The following NTM variants were observed in gnomAD, a reference collection of about 807,000 sequenced individuals.
The protein encoded by NTM is neurotrimin.
In NTM, 13 loss-of-function variants were observed where a neutral mutation model predicts 42.1. The ratio of observed to expected loss-of-function variants is 0.31; its 90% CI spans 0.20 to 0.49. The LOEUF is 0.49. NTM is among the 20% of genes least tolerant of loss of function. The probability of loss-of-function intolerance (pLI) is 0.99; values close to 1 mark genes in which losing one functional copy is unlikely to be tolerated. For synonymous variants in NTM, 187 were observed against 179.2 expected (o/e 1.04, Z -0.35); for missense variants, 373 against 452.8 (o/e 0.82, Z 1.60).
chr11:131,789,529 AG>A (rs1320030442), intron 1 of NTM, among the ~76,000 whole-genome samples: 1 of 27,954 alleles, frequency 3.6e-5, no homozygotes, highest in South Asian at 9.9e-4. Context: ...AAGAAGAAGA[AG>A]AAGAAGAAGA....
intron 1 of NTM, among the ~76,000 whole-genome samples, chr11:131,871,774 T>C (rs1220264723): frequency 6.6e-6 from 1 of 152,132 alleles, no homozygotes; most frequent in Non-Finnish European, 1.5e-5. Context: ...CTGGGCTCCC[T>C]GGGGAAGTCT....
chr11:132,265,991 C>A lies in NTM; in HGVS notation c.527-41698C>A, dbSNP rs144488478. On this transcript the variant is annotated intron_variant, in intron 4 of 8. Coordinates refer to ENST00000683400, the MANE Select transcript of NTM (RefSeq NM_001352005.2). ...AAGCCAAAATCATGTCTGCTACTTCCTTAACACAGGGTGCTGTTCTAGGAG... is the reference window on the plus strand; with the variant it reads ...AAGCCAAAATCATGTCTGCTACTTCATTAACACAGGGTGCTGTTCTAGGAG... 1.2e-4 allele frequency among the ~76,000 whole-genome samples: 19 copies of A among 152,226 alleles called. No individual in the cohort carries two copies. In the South Asian group the frequency reaches 1.7e-3, roughly 13 times the overall value.
At chr11:132,029,934 A>T (rs1260021748) in intron 2 of NTM, among the ~76,000 whole-genome samples, 2 of 152,224 alleles carry the variant, frequency 1.3e-5, no homozygotes, top group Non-Finnish European at 2.9e-5. Context: ...GTTCCACATG[A>T]ATGAATTTGT....
chr11:131,947,223 A>G (rs190095667), intron 2 of NTM, among the ~76,000 whole-genome samples: 3 of 152,300 alleles, frequency 2.0e-5, no homozygotes, highest in African/African-American at 7.2e-5. Context: ...CTTCCTTTGC[A>G]TGATGGTGGT....
chr11:131,502,133 C>T (rs2046910676), intron 1 of NTM, among the ~76,000 whole-genome samples: 1 of 152,042 alleles, frequency 6.6e-6, no homozygotes, highest in Non-Finnish European at 1.5e-5. Context: ...GTCCCAATGT[C>T]TGTGTCCCCT....
At chr11:131,585,234 CCCCTTCCTTT>C (rs2058749011) in intron 1 of NTM, among the ~76,000 whole-genome samples, 1 of 152,118 alleles carries the variant, frequency 6.6e-6, no homozygotes, top group South Asian at 2.1e-4. Context: ...GGGTTTTTCC[CCCCTTCCTTT>C]CCCTTTTTGC....
intron 1 of NTM, chr11:131,773,875 G>A (rs1468176999): frequency 6.5e-6 from 2 of 309,752 alleles, no homozygotes; most frequent in Non-Finnish European, 9.4e-6. Flanking sequence ...TCGTTTTATT[G>A]CATGGTCTGG....
chr11:131,873,860 A>T (rs1357483337), intron 1 of NTM, among the ~76,000 whole-genome samples: 1 of 141,252 alleles, frequency 7.1e-6, no homozygotes, highest in Non-Finnish European at 1.5e-5. Context: ...CCCTGTGTCC[A>T]TGTGTTCTCA....
At chr11:132,134,745 A>ATATC (rs2067510361) in intron 2 of NTM, among the ~76,000 whole-genome samples, 1 of 114,108 alleles carries the variant, frequency 8.8e-6, no homozygotes, top group African/African-American at 3.4e-5. Context: ...ATATATATAT[A>ATATC]TATATATATA....
chr11:132,318,322 G>C (rs1401155143), intron 7 of NTM, among the ~76,000 whole-genome samples: 1 of 152,118 alleles, frequency 6.6e-6, no homozygotes, highest in Admixed American at 6.5e-5. Context: ...CCACCGTACA[G>C]AGTTGTTCCA....
Position 131,911,217 on chromosome 11 carries a change from G to A in NTM, c.83-347G>A, listed in dbSNP as rs2054877399. On this transcript the variant is annotated intron_variant, in intron 1 of 8. Transcript: ENST00000683400. ...CTTCCCCCTCCTCGGCCACCTTCCC[G>A]GCGGAAGCAGCGAGGAGGGAGCCCC... 5.8e-6 allele frequency: 8 copies of A among 1,379,142 alleles called. No individual in the cohort carries two copies. In the South Asian group the frequency reaches 6.6e-5, roughly 11 times the overall value. The allele number at this position is 1,379,142 out of a possible 1,614,324, so 85.4% of individuals were successfully genotyped here. A position where few individuals can be genotyped will look rare whatever the true frequency, so the allele number is the denominator to read the frequency against.
chr11:131,742,225 G>A (rs1244132570), intron 1 of NTM, among the ~76,000 whole-genome samples: 1 of 152,138 alleles, frequency 6.6e-6, no homozygotes, highest in Non-Finnish European at 1.5e-5. Context: ...GAACTTAAAA[G>A]TCAAAAGATA....
chr11:131,709,702 T>G (rs78055803), intron 1 of NTM, among the ~76,000 whole-genome samples: 3 of 152,160 alleles, frequency 2.0e-5, no homozygotes, highest in Non-Finnish European at 4.4e-5. Flanking sequence ...TTGCACAGGA[T>G]TGACCCACTT....
chr11:132,061,238 A>G (rs75365702), intron 2 of NTM, among the ~76,000 whole-genome samples: 1 of 152,228 alleles, frequency 6.6e-6, no homozygotes, highest in African/African-American at 2.4e-5. Flanking sequence ...TGTGTCATAC[A>G]TAAATAACAT....
intron 1 of NTM, among the ~76,000 whole-genome samples, chr11:131,910,446 G>T (rs940664371): frequency 6.6e-6 from 1 of 150,964 alleles, no homozygotes; most frequent in Non-Finnish European, 1.5e-5. Flanking sequence ...GGCGCGGCGG[G>T]GGTTAAGGTG....
intron 1 of NTM, chr11:131,671,693 C>T (rs1048641096): frequency 1.1e-5 from 8 of 747,416 alleles, no homozygotes; most frequent in African/African-American, 1.9e-5. Flanking sequence ...GGCTAATTCA[C>T]AGGCCACTGG....
At chr11:131,416,311 G>C (rs960103798) in intron 1 of NTM, among the ~76,000 whole-genome samples, 1 of 152,020 alleles carries the variant, frequency 6.6e-6, no homozygotes, top group African/African-American at 2.4e-5. Context: ...AGGAACTAGA[G>C]GGTACGAATG....
intron 1 of NTM, among the ~76,000 whole-genome samples, chr11:131,873,626 T>TATATATATACACATATATATACACAC (rs2048102219): frequency 4.8e-5 from 4 of 83,718 alleles, no homozygotes; most frequent in African/African-American, 2.5e-4. Context: ...TATATATACA[T>TATATATATACACATATATATACACAC]ATATATATAC....
chr11:132,128,018 A>AT (rs2137031770), intron 2 of NTM, among the ~76,000 whole-genome samples: 1 of 152,240 alleles, frequency 6.6e-6, no homozygotes, highest in South Asian at 2.1e-4. Flanking sequence ...ATATTCTCAT[A>AT]TTTGGGCACT....
Sources: gnomAD v4.1 joint callset for allele counts (sites outside exome capture counted in the v4.1 genomes callset) on GRCh38, gnomAD v4.1.1 for gene constraint, MANE v1.5 for transcripts, NCBI Gene and HGNC (gene_info 2026-07-23, HGNC 2026-07-21) for gene names.